CENPL: variants seen among roughly 807,000 people sequenced by gnomAD.
CENPL encodes interphase centromere complex protein 33.
A neutral mutation model predicts 35.2 loss-of-function variants in CENPL; 20 were observed. The ratio of observed to expected loss-of-function variants is 0.57; its 90% CI spans 0.40 to 0.83. CENPL has a LOEUF of 0.83. CENPL is among the 40% of genes least tolerant of loss of function. CENPL has a pLI of 0.00. For synonymous variants in CENPL, 140 were observed against 140.6 expected (o/e 1.00, Z 0.03); for missense variants, 363 against 395.8 (o/e 0.92, Z 0.70).
chr1:173,806,607 A>T (rs953484625), intron 4 of CENPL: 13 of 289,470 alleles, frequency 4.5e-5, no homozygotes, highest in Non-Finnish European at 6.9e-5. Flanking sequence ...AAAATAAAAT[A>T]AACGCAACAT....
intron 2 of CENPL, among the ~76,000 whole-genome samples, chr1:173,819,831 A>G (rs549960819): frequency 9.1e-4 from 138 of 150,982 alleles, no homozygotes; most frequent in South Asian, 1.9e-3. Context: ...AGCTGAGATT[A>G]CAGCTGCCCG....
intron 2 of CENPL, chr1:173,823,337 A>C (rs1344063556): frequency 6.6e-6 from 1 of 151,142 alleles, no homozygotes; most frequent in African/African-American, 2.4e-5. Context: ...CCCAAGATCC[A>C]TCGACATTAG....
chr1:173,801,926 G>C lies in CENPL; in HGVS notation c.963+1037C>G, dbSNP rs1313466393. On this transcript the variant is annotated intron_variant, in intron 5 of 5. Coordinates refer to ENST00000682279, the MANE Select transcript of CENPL (RefSeq NM_001387287.1). ...TAGTCCCAGCTACTCAGGAGGCTGAGGCACGAGAATCGCTTGAGCCTAGGA... is the reference window on the plus strand; with the variant it reads ...TAGTCCCAGCTACTCAGGAGGCTGACGCACGAGAATCGCTTGAGCCTAGGA... 2.0e-5 allele frequency among the ~76,000 whole-genome samples: 3 copies of C among 152,132 alleles called. No individual in the cohort carries two copies. The East Asian group carries it at 5.8e-4, about 30-fold the overall frequency.
At chr1:173,821,808 T>G (rs1651977866) in intron 2 of CENPL, 1 of 124,686 alleles carries the variant, frequency 8.0e-6, no homozygotes, top group Non-Finnish European at 1.7e-5. Flanking sequence ...TTCAGCCTTT[T>G]TTTTTTTTTT....
intron 2 of CENPL, among the ~76,000 whole-genome samples, chr1:173,812,444 G>A (rs1650930496): frequency 6.6e-6 from 1 of 152,220 alleles, no homozygotes; most frequent in African/African-American, 2.4e-5. Flanking sequence ...ACACAGGCAG[G>A]TGCCACTATG....
At chr1:173,810,696 A>G (rs1650726997) in intron 3 of CENPL, among the ~76,000 whole-genome samples, 1 of 152,110 alleles carries the variant, frequency 6.6e-6, no homozygotes, top group East Asian at 1.9e-4. Flanking sequence ...TGAGGCGGGC[A>G]GATCACAAGG....
intron 4 of CENPL, among the ~76,000 whole-genome samples, chr1:173,804,088 C>G (rs903609997): frequency 2.0e-5 from 3 of 151,654 alleles, no homozygotes; most frequent in Non-Finnish European, 4.4e-5. Context: ...AACAAACAAA[C>G]AAAAAAAACC....
At chr1:173,821,122 G>A (rs1224369736) in intron 2 of CENPL, among the ~76,000 whole-genome samples, 1 of 152,124 alleles carries the variant, frequency 6.6e-6, no homozygotes, top group African/African-American at 2.4e-5. Flanking sequence ...TTTGTTACTT[G>A]GTACAATAAT....
rs962326281 is a variant in CENPL at position 173,806,578 on chromosome 1, T to A, written c.420+689A>T. Reference sequence around the variant, plus strand: ...CAGCCTGGGTGACAAAATGAGACCCTGTCTCAAAAAAATAAAATAAAATAA... The same window carrying A: ...CAGCCTGGGTGACAAAATGAGACCCAGTCTCAAAAAAATAAAATAAAATAA... On this transcript the variant is annotated intron_variant, in intron 4 of 5. Transcript: ENST00000682279. 13 of 301,522 alleles carry A rather than the reference T, an allele frequency of 4.3e-5. No individual in the cohort carries two copies. The Admixed American group carries it at 5.5e-4, about 13-fold the overall frequency. The allele number at this position is 301,522 out of a possible 1,614,324, so 18.7% of individuals were successfully genotyped here. A position where few individuals can be genotyped will look rare whatever the true frequency, so the allele number is the denominator to read the frequency against.
chr1:173,807,233 C>A, intron 4 of CENPL, 34 bp downstream of exon 4: 1 of 1,486,456 alleles, frequency 6.7e-7, no homozygotes, highest in South Asian at 1.5e-5. Context: ...TAATACTTTT[C>A]CCCTAGGAAG....
intron 2 of CENPL, among the ~76,000 whole-genome samples, chr1:173,816,225 G>A (rs1327674305): frequency 6.6e-6 from 1 of 152,150 alleles, no homozygotes; most frequent in East Asian, 1.9e-4. Context: ...TCATGGATAG[G>A]AAGAATCAAT....
intron 2 of CENPL, among the ~76,000 whole-genome samples, chr1:173,819,959 TC>T (rs1221851594): frequency 1.3e-5 from 2 of 151,978 alleles, no homozygotes; most frequent in African/African-American, 2.4e-5. Context: ...TCCACCAGCC[TC>T]CCAAAGTGTT....
At position 173,824,711 on chromosome 1, in the gene CENPL, T is replaced by C. The variant is rs867647313; in HGVS notation, c.-601A>G. The stretch of plus-strand genomic sequence containing the variant: ...ACCCCAGCGGCGATCTGTGTTTGGG[T>C]TCGCGCTCTGGGAGAATTTTGGCTT... On this transcript the variant is annotated 5_prime_UTR_variant, in exon 1 of 6. Coordinates refer to ENST00000682279, the MANE Select transcript of CENPL (RefSeq NM_001387287.1). 47 of 179,274 alleles carry C rather than the reference T, an allele frequency of 2.6e-4. No homozygotes were observed. In the Middle Eastern group the frequency reaches 0.016, roughly 60 times the overall value. The allele number at this position is 179,274 out of a possible 1,614,324, so 11.1% of individuals were successfully genotyped here. A position where few individuals can be genotyped will look rare whatever the true frequency, so the allele number is the denominator to read the frequency against.
intron 3 of CENPL, among the ~76,000 whole-genome samples, chr1:173,809,880 G>A (rs9425418): frequency 0.091 from 13,840 of 152,114 alleles, 2,034 homozygotes; most frequent in African/African-American, 0.31. Context: ...GTGAGGTTGT[G>A]GAGAAAAAGG....
At position 173,802,967 on chromosome 1, in the gene CENPL, A is replaced by AT; in HGVS notation, c.958dup (p.Ile320AsnfsTer7). On this transcript the variant is annotated frameshift_variant, in exon 5 of 6. Transcript: ENST00000682279. LOFTEE classifies it high-confidence loss of function. ...AACTAGATTGTTCAAACTAACCTTT[A>AT]TTTTTCCATCAGTATGTGCTGAAGC... The AT allele has an allele frequency of 6.3e-7, 1 of 1,590,810 alleles. No individual in the cohort carries two copies. Among genetic ancestry groups the AT allele is most frequent in the Non-Finnish European group, 8.6e-7 (1 of 1,167,062 alleles).
At chr1:173,805,131 T>C (rs867279054) in intron 4 of CENPL, among the ~76,000 whole-genome samples, 1 of 152,188 alleles carries the variant, frequency 6.6e-6, no homozygotes, top group African/African-American at 2.4e-5. Flanking sequence ...ACTGATAATA[T>C]GCAAGTCACA....
chr1:173,804,890 C>A (rs1420818596), intron 4 of CENPL, among the ~76,000 whole-genome samples: 1 of 152,172 alleles, frequency 6.6e-6, no homozygotes, highest in African/African-American at 2.4e-5. Context: ...TTGTATCATA[C>A]CCCTTCAGAA....
chr1:173,800,803 A>G (rs1649674577), intron 5 of CENPL, among the ~76,000 whole-genome samples: 1 of 151,994 alleles, frequency 6.6e-6, no homozygotes, highest in African/African-American at 2.4e-5. Flanking sequence ...TTTAAAATGT[A>G]AAAAACAGCC....
chr1:173,808,617 TC>T (rs1395051396), intron 3 of CENPL: 2 of 146,348 alleles, frequency 1.4e-5, no homozygotes, highest in African/African-American at 5.0e-5. Context: ...GCTAGACTAG[TC>T]TTAAAAAAAA....
Sources: allele counts gnomAD v4.1 joint callset (sites outside exome capture counted in the v4.1 genomes callset), GRCh38; gene constraint gnomAD v4.1.1; transcripts MANE v1.5; gene names NCBI Gene and HGNC (gene_info 2026-07-23, HGNC 2026-07-21).